Variants in MORC2 observed in about 807,000 individuals in gnomAD.
The protein encoded by MORC2 is ATPase MORC2.
A neutral mutation model predicts 136.0 loss-of-function variants in MORC2; 30 were observed. That is an observed-to-expected ratio of 0.22 (90% CI 0.17 to 0.30). MORC2 has a LOEUF of 0.30. Ranked by LOEUF, MORC2 falls within the 10% of genes least tolerant of loss-of-function variation. MORC2 has a pLI of 1.00. For missense variants in MORC2, 922 were observed against 1,333.1 expected (o/e 0.69, Z 4.80); for synonymous variants, 439 against 487.0 (o/e 0.90, Z 1.30).
At chr22:30,935,427 A>G (rs1343994700) in intron 17 of MORC2, 105 bp from the exon 18 acceptor site, 2 of 1,127,776 alleles carry the variant, frequency 1.8e-6, no homozygotes, top group Non-Finnish European at 2.6e-6. Flanking sequence ...AGAAAACCTG[A>G]GCCATAGTCC....
At chr22:30,933,961 T>A (rs951434251) in intron 20 of MORC2, 99 bp downstream of exon 20, 55 of 1,459,624 alleles carry the variant, frequency 3.8e-5, no homozygotes, top group Non-Finnish European at 5.0e-5. Flanking sequence ...TGTAGACTGC[T>A]GGTGGATGGT....
intron 25 of MORC2, among the ~76,000 whole-genome samples, chr22:30,927,818 C>G (rs573948072): frequency 3.3e-5 from 5 of 152,214 alleles, no homozygotes; most frequent in Non-Finnish European, 7.3e-5. Context: ...AGGGAAAAAG[C>G]CTGGTTCTAT....
Position 30,940,810 on chromosome 22 carries a change from G to C in MORC2, c.852C>G (p.Phe284Leu). Residue 284 changes from phenylalanine (F) to leucine (L), a missense_variant, in exon 10 of 26, where the codon TTC becomes TTG. Phe to Leu is a conservative substitution (Grantham distance 22). Around this residue, in one of 9 missense-constraint regions of MORC2, gnomAD observed 261 missense variants for 354.3 expected, o/e 0.74. Transcript: ENST00000397641. ...PRMYKYTSSR[F>L]KTRAEQEVKK... is the part of the protein sequence containing the mutation. The stretch of plus-strand genomic sequence containing the variant: ...TCACCTCCTGCTCCGCACGGGTCTT[G>C]AAACGGCTTGACGTGTACTTGTACA... 1 of 1,614,096 alleles carries C rather than the reference G, an allele frequency of 6.2e-7. No individual in the cohort carries two copies. Among genetic ancestry groups the C allele is most frequent in the Non-Finnish European group, 8.5e-7 (1 of 1,180,006 alleles).
intron 3 of MORC2, among the ~76,000 whole-genome samples, chr22:30,954,485 G>A (rs2040936921): frequency 1.3e-5 from 2 of 152,146 alleles, no homozygotes; most frequent in Admixed American, 1.3e-4. Flanking sequence ...TCAAGATCTA[G>A]TTATTGTTCT....
Position 30,926,485 on chromosome 22 carries a change from A to C in MORC2, c.*318T>G, listed in dbSNP as rs1372581760. 2.4e-5 allele frequency: 4 copies of C among 168,880 alleles called. No homozygotes were observed. The highest frequency in any genetic ancestry group is 7.9e-5 in the African/African-American group (3 of 38,136). The allele number at this position is 168,880 out of a possible 1,614,324, so 10.5% of individuals were successfully genotyped here. A position where few individuals can be genotyped will look rare whatever the true frequency, so the allele number is the denominator to read the frequency against. ...CGTTATCTTGAGGAGCCAGGAGCTG[A>C]AATGGCTCCGGCTTAGCAACCCAGT... is the stretch of plus-strand genomic sequence containing the variant. On this transcript the variant is annotated 3_prime_UTR_variant, in exon 26 of 26. Transcript: ENST00000397641.
At position 30,940,823 on chromosome 22, in the gene MORC2, G is replaced by A. The variant is rs764379949; in HGVS notation, c.839C>T (p.Thr280Met). 1.6e-5 allele frequency: 26 copies of A among 1,613,888 alleles called. No homozygotes were observed. The highest frequency in any genetic ancestry group is 2.2e-5 in the East Asian group (1 of 44,870). Residue 280 changes from threonine to methionine, a missense_variant, in exon 10 of 26, where the codon ACG becomes ATG. This residue lies in a region of MORC2 where 261 missense variants were observed against 354.3 expected (regional missense o/e 0.74). Coordinates refer to ENST00000397641, the MANE Select transcript of MORC2 (RefSeq NM_001303256.3). ...CLYKPRMYKY[T>M]SSRFKTRAEQ... ...CGCACGGGTCTTGAAACGGCTTGACGTGTACTTGTACATCCTGATCAGTAG... is the reference window on the plus strand; with the variant it reads ...CGCACGGGTCTTGAAACGGCTTGACATGTACTTGTACATCCTGATCAGTAG...
chr22:30,927,390 T>C (rs1429409934), intron 25 of MORC2, among the ~76,000 whole-genome samples: 1 of 152,092 alleles, frequency 6.6e-6, no homozygotes, highest in Non-Finnish European at 1.5e-5. Context: ...CGCCCCCAAG[T>C]CCCTGCTCAG....
intron 4 of MORC2, 21 bp from the exon 5 acceptor site, chr22:30,949,863 G>GA: frequency 1.9e-6 from 3 of 1,611,794 alleles, no homozygotes; most frequent in Non-Finnish European, 2.5e-6. Flanking sequence ...AGACACAAGA[G>GA]AAAGTGAAAA....
intron 3 of MORC2, among the ~76,000 whole-genome samples, chr22:30,953,178 A>G (rs1376606888): frequency 1.3e-5 from 2 of 152,230 alleles, no homozygotes; most frequent in African/African-American, 4.8e-5. Flanking sequence ...CTGATATTTA[A>G]TCAGTCAACT....
rs182045044 is a variant in MORC2, at chr22:30,942,052, C to T, written c.587-50G>A. On this transcript the variant is annotated intron_variant, in intron 7 of 25. Transcript: ENST00000397641. Reference sequence around the variant, plus strand: ...TGCCAGATCCCCCGGCCCACCCCCACACTACTTGTGATTCTGGAGCTCCCA... The same window carrying T: ...TGCCAGATCCCCCGGCCCACCCCCATACTACTTGTGATTCTGGAGCTCCCA... The T allele has an allele frequency of 1.2e-5, 20 of 1,610,338 alleles. No individual in the cohort carries two copies. In the East Asian group the frequency reaches 3.8e-4, roughly 31 times the overall value.
At chr22:30,959,870 G>A (rs1241507572) in intron 1 of MORC2, among the ~76,000 whole-genome samples, 1 of 152,170 alleles carries the variant, frequency 6.6e-6, no homozygotes, top group East Asian at 1.9e-4. Flanking sequence ...CAAACAAAAT[G>A]TAAAACATTT....
rs962423496 is a variant in MORC2, at chr22:30,968,692, G to A, written c.-803C>T. On this transcript the variant is annotated 5_prime_UTR_variant, in exon 1 of 26. Coordinates refer to ENST00000397641, the MANE Select transcript of MORC2 (RefSeq NM_001303256.3). ...CCCGTGGCCGCCTCCCCACGAAGAG[G>A]AGCTACTCCCGGCTTCCAAGGACCG... is the stretch of plus-strand genomic sequence containing the variant. 3.3e-5 allele frequency among the ~76,000 whole-genome samples: 5 copies of A among 152,090 alleles called. No homozygotes were observed. Among genetic ancestry groups the A allele is most frequent in the African/African-American group, 9.7e-5 (4 of 41,432 alleles).
Position 30,940,008 on chromosome 22 carries a change from G to A in MORC2, c.938C>T (p.Ala313Val). The change falls in exon 11 of 26, where the codon GCT (alanine) becomes GTT (valine). Residue 313 changes from alanine (A) to valine (V), a missense_variant. Ala to Val is a moderately conservative substitution (Grantham distance 64). Around this residue, in one of 9 missense-constraint regions of MORC2, gnomAD observed 261 missense variants for 354.3 expected, o/e 0.74. Transcript: ENST00000397641. ...EEKAREAESK[A>V]RTLEVRLGGD... ...ACCTAGGCGTACTTCTAATGTCCGAGCTTTGCTCTCTGCCTCCCGCGCCTT... is the reference window on the plus strand; with the variant it reads ...ACCTAGGCGTACTTCTAATGTCCGAACTTTGCTCTCTGCCTCCCGCGCCTT... 1.2e-6 allele frequency: 2 copies of A among 1,613,930 alleles called. No individual in the cohort carries two copies. Among genetic ancestry groups the A allele is most frequent in the Non-Finnish European group, 1.7e-6 (2 of 1,180,034 alleles).
At chr22:30,963,271 C>T (rs929197274) in intron 1 of MORC2, 54 of 977,732 alleles carry the variant, frequency 5.5e-5, no homozygotes, top group East Asian at 1.1e-4. Context: ...CCACAGCACC[C>T]GGCCTAGAAA....
At chr22:30,933,869 AG>A (rs1340949129) in intron 20 of MORC2, among the ~76,000 whole-genome samples, 190 bp downstream of exon 20, 1 of 151,948 alleles carries the variant, frequency 6.6e-6, no homozygotes, top group South Asian at 2.1e-4. Flanking sequence ...AGAGATCACT[AG>A]GCTTCTGGAA....
Position 30,932,309 on chromosome 22 carries a change from C to A in MORC2, c.2841+50G>T, listed in dbSNP as rs762147250. On this transcript the variant is annotated intron_variant, in intron 24 of 25. Transcript: ENST00000397641. The surrounding 1 kb of genome is among the most constrained non-coding windows in gnomAD (Gnocchi z 4.4). ...ACAACAGTTACAACAAATGCAGGGG[C>A]AGGGGTGGGGGAATGAAGAGTGTGG... is the stretch of plus-strand genomic sequence containing the variant. The A allele has an allele frequency of 2.8e-6, 4 of 1,427,614 alleles. No homozygotes were observed. The East Asian group carries it at 6.8e-5, about 24-fold the overall frequency. The allele number at this position is 1,427,614 out of a possible 1,614,324, so 88.4% of individuals were successfully genotyped here.
At position 30,937,107 on chromosome 22, in the gene MORC2, C is replaced by T; in HGVS notation, c.1499-70G>A. ...CTCTATCTGTAATCCGGGTTCCTCA[C>T]AGGCCCACCACAATGATGCCCCAGA... On this transcript the variant is annotated intron_variant, in intron 15 of 25. Coordinates refer to ENST00000397641, the MANE Select transcript of MORC2 (RefSeq NM_001303256.3). This position sits in a 1 kb window ranked among gnomAD's most constrained non-coding sequence, Gnocchi z 4.7. The T allele has an allele frequency of 1.8e-6, 2 of 1,105,318 alleles. No homozygotes were observed. Among genetic ancestry groups the T allele is most frequent in the Non-Finnish European group, 1.4e-6 (1 of 729,098 alleles). 68.5% of individuals were successfully genotyped at this position (1,105,318 alleles called of 1,614,324 possible).
intron 1 of MORC2, among the ~76,000 whole-genome samples, chr22:30,965,292 AAG>A (rs1487100051): frequency 6.6e-6 from 1 of 152,230 alleles, no homozygotes; most frequent in Non-Finnish European, 1.5e-5. Flanking sequence ...AACAAAGGAG[AAG>A]AGAGACAAAT....
chr22:30,941,390 T>C lies in MORC2; in HGVS notation c.824+43A>G, dbSNP rs2040739295. 1 of 1,605,642 alleles carries C rather than the reference T, an allele frequency of 6.2e-7. No homozygotes were observed. The highest frequency in any genetic ancestry group is 8.5e-7 in the Non-Finnish European group (1 of 1,174,942). ...GCCCCAGAGAAACGCGGCCACATCC[T>C]CGACCCATGGGAGACAGCAGGCCAA... On this transcript the variant is annotated intron_variant, in intron 9 of 25. Transcript: ENST00000397641. The surrounding 1 kb of genome is among the most constrained non-coding windows in gnomAD (Gnocchi z 4.6).
Sources: allele counts gnomAD v4.1 joint callset (sites outside exome capture counted in the v4.1 genomes callset), GRCh38; gene constraint gnomAD v4.1.1; regional missense constraint gnomAD v4.1.1; non-coding constraint Gnocchi (gnomAD v3.1); transcripts MANE v1.5; gene names NCBI Gene and HGNC (gene_info 2026-07-23, HGNC 2026-07-21).